HIPK2: variants seen among roughly 807,000 people sequenced by gnomAD.
HIPK2 encodes homeodomain interacting protein kinase 2, also known as homeodomain-interacting protein kinase 2.
A neutral mutation model predicts 113.7 loss-of-function variants in HIPK2; 27 were observed. The ratio of observed to expected loss-of-function variants is 0.24; its 90% CI spans 0.17 to 0.33. The LOEUF (loss-of-function observed/expected upper bound fraction) is 0.33. Ranked by LOEUF, HIPK2 falls within the 10% of genes least tolerant of loss-of-function variation. The pLI is 1.00. For missense variants in HIPK2, 1,257 were observed against 1,588.0 expected (o/e 0.79, Z 3.54); for synonymous variants, 631 against 642.2 (o/e 0.98, Z 0.26).
Position 139,630,204 on chromosome 7 carries a change from T to C in HIPK2, c.1347+961A>G, listed in dbSNP as rs1439770242. Reference sequence around the variant, plus strand: ...CACAGATCAAAGTGAAAGCAAACTATGTTTCTGTTAAAGTGAAGCCCCTGC... The same window carrying C: ...CACAGATCAAAGTGAAAGCAAACTACGTTTCTGTTAAAGTGAAGCCCCTGC... On this transcript the variant is annotated intron_variant, in intron 4 of 14. Transcript: ENST00000406875. This position sits in a 1 kb window ranked among gnomAD's most constrained non-coding sequence, Gnocchi z 4.0. 2.0e-5 allele frequency among the ~76,000 whole-genome samples: 3 copies of C among 152,128 alleles called. No homozygotes were observed. Among genetic ancestry groups the C allele is most frequent in the South Asian group, 2.1e-4 (1 of 4,832 alleles).
At chr7:139,681,971 T>A (rs1335716067) in intron 2 of HIPK2, among the ~76,000 whole-genome samples, 1 of 152,176 alleles carries the variant, frequency 6.6e-6, no homozygotes, top group Non-Finnish European at 1.5e-5. Context: ...AGGGCAGGCA[T>A]CACAGTGGAG....
intron 1 of HIPK2, among the ~76,000 whole-genome samples, chr7:139,751,153 AAAAT>A (rs1045979296): frequency 6.6e-5 from 10 of 152,242 alleles, no homozygotes; most frequent in Admixed American, 1.3e-4. Context: ...GAACTTAATT[AAAAT>A]AATTACCATA....
intron 2 of HIPK2, among the ~76,000 whole-genome samples, chr7:139,693,972 T>A (rs1329328953): frequency 6.6e-6 from 1 of 152,158 alleles, no homozygotes; most frequent in East Asian, 1.9e-4. Context: ...CACTTCCACA[T>A]GCATAAAGAG....
intron 2 of HIPK2, among the ~76,000 whole-genome samples, chr7:139,685,535 G>A (rs1429537078): frequency 6.6e-6 from 1 of 152,196 alleles, no homozygotes; most frequent in African/African-American, 2.4e-5. Context: ...GTAGCTAGAG[G>A]GGAGAAGTCA....
chr7:139,733,533 A>C (rs2117041964), intron 1 of HIPK2, among the ~76,000 whole-genome samples: 1 of 152,354 alleles, frequency 6.6e-6, no homozygotes, highest in South Asian at 2.1e-4. Flanking sequence ...TAATCAGGGG[A>C]AAAGAGAACA....
chr7:139,772,558 T>C (rs1796669447), intron 1 of HIPK2, among the ~76,000 whole-genome samples: 1 of 145,894 alleles, frequency 6.9e-6, no homozygotes, highest in Non-Finnish European at 1.5e-5. Context: ...AGAAAACACT[T>C]CAAGAGAGAT....
intron 11 of HIPK2, among the ~76,000 whole-genome samples, chr7:139,598,181 G>C (rs372795882): frequency 1.1e-4 from 16 of 152,184 alleles, no homozygotes; most frequent in African/African-American, 3.9e-4. Flanking sequence ...CTGGATTAGG[G>C]ATGCTCAACC....
intron 2 of HIPK2, among the ~76,000 whole-genome samples, chr7:139,643,344 T>C (rs1801092988): frequency 6.6e-6 from 1 of 151,954 alleles, no homozygotes; most frequent in African/African-American, 2.4e-5. Context: ...TCTATTCATA[T>C]TGGCAGTGAA....
At position 139,727,255 on chromosome 7, in the gene HIPK2, A is replaced by G. The variant is rs1025226926; in HGVS notation, c.20-10240T>C. Among the ~76,000 whole-genome samples the G allele has an allele frequency of 3.9e-5, 6 of 152,330 alleles. No homozygotes were observed. The South Asian group carries it at 1.2e-3, about 32-fold the overall frequency. ...CATCAAGGATGAAATGATGATAAAC[A>G]CAATTAAGGGATTGATCCAGGAGAA... On this transcript the variant is annotated intron_variant, in intron 1 of 14. Transcript: ENST00000406875.
At chr7:139,739,787 A>G (rs559675351) in intron 1 of HIPK2, among the ~76,000 whole-genome samples, 22 of 152,118 alleles carry the variant, frequency 1.4e-4, no homozygotes, top group Non-Finnish European at 2.2e-4. Context: ...TGTTCTAGAC[A>G]TTTCATATAA....
At chr7:139,639,658 T>G (rs1159882511) in intron 2 of HIPK2, among the ~76,000 whole-genome samples, 1 of 152,088 alleles carries the variant, frequency 6.6e-6, no homozygotes, top group Non-Finnish European at 1.5e-5. Context: ...CAGGCAGGGG[T>G]GGCTACCACA....
intron 2 of HIPK2, among the ~76,000 whole-genome samples, chr7:139,673,116 T>TTA (rs397725979): frequency 7.3e-5 from 11 of 151,070 alleles, no homozygotes; most frequent in African/African-American, 1.9e-4. Context: ...TTTTTTTTTT[T>TTA]AATGAAAAAG....
chr7:139,733,655 A>G (rs189351802), intron 1 of HIPK2, among the ~76,000 whole-genome samples: 4 of 152,264 alleles, frequency 2.6e-5, no homozygotes, highest in Non-Finnish European at 5.9e-5. Context: ...AAAGTGAGAT[A>G]AAATATACAT....
intron 6 of HIPK2, among the ~76,000 whole-genome samples, chr7:139,621,334 T>C (rs1435946956): frequency 1.3e-5 from 2 of 152,228 alleles, no homozygotes; most frequent in African/African-American, 4.8e-5. Flanking sequence ...ACATACGTCC[T>C]CTTTCACCAA....
chr7:139,566,078 ACT>A lies in HIPK2; in HGVS notation c.*6847_*6848del, dbSNP rs1798082134. On this transcript the variant is annotated 3_prime_UTR_variant, in exon 15 of 15. Transcript: ENST00000406875. This position sits in a 1 kb window ranked among gnomAD's most constrained non-coding sequence, Gnocchi z 4.1. ...AAAGGAATTCTATGAATCAAAAGAA[ACT>A]CTCCAGAGATTTTCTCTAAAAATCA... is the stretch of plus-strand genomic sequence containing the variant. The A allele has an allele frequency of 6.6e-6, 1 of 152,222 alleles. No homozygotes were observed. Among genetic ancestry groups the A allele is most frequent in the South Asian group, 2.1e-4 (1 of 4,816 alleles). The allele number at this position is 152,222 out of a possible 1,614,324, so 9.4% of individuals were successfully genotyped here.
intron 2 of HIPK2, among the ~76,000 whole-genome samples, chr7:139,691,136 T>G (rs567783548): frequency 1.8e-4 from 28 of 152,180 alleles, no homozygotes; most frequent in Non-Finnish European, 2.9e-4. Context: ...AAACCTCTTT[T>G]CTTTGGACAA....
chr7:139,588,691 G>C (rs1485953653), intron 12 of HIPK2, among the ~76,000 whole-genome samples: 1 of 152,160 alleles, frequency 6.6e-6, no homozygotes, highest in Non-Finnish European at 1.5e-5. Flanking sequence ...GACGAGGAGG[G>C]AGCAGGAGGG....
intron 2 of HIPK2, among the ~76,000 whole-genome samples, chr7:139,648,759 C>T (rs1413929171): frequency 1.1e-4 from 17 of 151,826 alleles, no homozygotes; most frequent in Non-Finnish European, 5.9e-5. Context: ...CAGTGGAGGG[C>T]GGAGCAGAAG....
At chr7:139,688,320 T>C (rs1396509929) in intron 2 of HIPK2, among the ~76,000 whole-genome samples, 2 of 152,242 alleles carry the variant, frequency 1.3e-5, no homozygotes, top group Non-Finnish European at 2.9e-5. Flanking sequence ...TTTTCCACTT[T>C]TTCCTTTTCA....
Sources: gnomAD v4.1 joint callset for allele counts (sites outside exome capture counted in the v4.1 genomes callset) on GRCh38, gnomAD v4.1.1 for gene constraint, Gnocchi (gnomAD v3.1) non-coding constraint, MANE v1.5 for transcripts, NCBI Gene and HGNC (gene_info 2026-07-23, HGNC 2026-07-21) for gene names.